The following UBE2M variants were observed in gnomAD, a reference collection of about 807,000 sequenced individuals.
The protein encoded by UBE2M is ubiquitin conjugating enzyme E2 M.
Under a neutral mutation model 23.5 loss-of-function variants are expected in UBE2M, and 2 were observed. That is an observed-to-expected ratio of 0.09 (90% CI 0.03 to 0.27). The LOEUF (loss-of-function observed/expected upper bound fraction) is 0.27. UBE2M is among the 10% of genes least tolerant of loss of function. UBE2M has a pLI of 1.00. For missense variants in UBE2M, 103 were observed against 232.9 expected, an observed-to-expected ratio of 0.44 and a Z score of 3.63; for synonymous variants, 97 against 95.2, an observed-to-expected ratio of 1.02 and a Z score of -0.11.
intron 1 of UBE2M, among the ~76,000 whole-genome samples, chr19:58,557,805 CAT>C (rs2053001735): frequency 6.6e-6 from 1 of 151,906 alleles, no homozygotes; most frequent in African/African-American, 2.4e-5. Context: ...CAGGCAGGCC[CAT>C]GAGTCCCTGG....
intron 1 of UBE2M, 102 bp from the exon 2 acceptor site, chr19:58,557,259 C>G (rs1273508487): frequency 8.3e-7 from 1 of 1,203,060 alleles, no homozygotes; most frequent in Non-Finnish European, 1.2e-6. Context: ...TTAGCAGAGC[C>G]CCCATCGTCT....
Position 58,558,399 on chromosome 19 carries a change from CGCT to C in UBE2M, c.-21_-19del, listed in dbSNP as rs754905811. 66 of 1,291,114 alleles carry C rather than the reference CGCT, an allele frequency of 5.1e-5. No homozygotes were observed. The highest frequency in any genetic ancestry group is 5.3e-5 in the Non-Finnish European group (53 of 997,778). The allele number at this position is 1,291,114 out of a possible 1,614,324, so 80.0% of individuals were successfully genotyped here. Reference sequence around the variant, plus strand: ...TTGATCATCCTGCCGCCGCCGCCGCCGCTGCCGCCGCCGCGGGGCCCGGGACCC... The same window carrying C: ...TTGATCATCCTGCCGCCGCCGCCGCCGCCGCCGCCGCGGGGCCCGGGACCC... On this transcript the variant is annotated 5_prime_UTR_variant, in exon 1 of 6. Transcript: ENST00000253023. The surrounding 1 kb of genome is among the most constrained non-coding windows in gnomAD (Gnocchi z 4.7).
In UBE2M at chr19:58,555,914, A is replaced by T. The variant is rs1264385140; in HGVS notation, c.*175T>A. 3 of 847,112 alleles carry T rather than the reference A, an allele frequency of 3.5e-6. No homozygotes were observed. The highest frequency in any genetic ancestry group is 3.5e-6 in the Non-Finnish European group (2 of 564,296). 52.5% of individuals were successfully genotyped at this position (847,112 alleles called of 1,614,324 possible). A position where few individuals can be genotyped will look rare whatever the true frequency, so the allele number is the denominator to read the frequency against. On this transcript the variant is annotated 3_prime_UTR_variant, in exon 6 of 6. Coordinates refer to ENST00000253023, the MANE Select transcript of UBE2M (RefSeq NM_003969.4). Reference sequence around the variant, plus strand: ...GGGGGAGGCAGCGCCGACCTTAATCACATGGTGTTAAAAAAAAAAAAATAA... The same window carrying T: ...GGGGGAGGCAGCGCCGACCTTAATCTCATGGTGTTAAAAAAAAAAAAATAA...
At position 58,558,384 on chromosome 19, in the gene UBE2M, T is replaced by TGCCGCCGCC. The variant is rs758423838; in HGVS notation, c.-12_-4dup. The TGCCGCCGCC allele has an allele frequency of 6.4e-6, 9 of 1,401,502 alleles. No individual in the cohort carries two copies. Among genetic ancestry groups the TGCCGCCGCC allele is most frequent in the East Asian group, 3.1e-5 (1 of 32,524 alleles). The allele number at this position is 1,401,502 out of a possible 1,614,324, so 86.8% of individuals were successfully genotyped here. ...TTCAGCGAGAACAGCTTGATCATCC[T>TGCCGCCGCC]GCCGCCGCCGCCGCCGCTGCCGCCG... is the stretch of plus-strand genomic sequence containing the variant. On this transcript the variant is annotated 5_prime_UTR_variant, in exon 1 of 6. Transcript: ENST00000253023. The surrounding 1 kb of genome is among the most constrained non-coding windows in gnomAD (Gnocchi z 4.7).
Position 58,558,486 on chromosome 19 carries a change from C to T in UBE2M, c.-105G>A. 6.3e-6 allele frequency: 3 copies of T among 473,954 alleles called. No individual in the cohort carries two copies. Among genetic ancestry groups the T allele is most frequent in the Non-Finnish European group, 8.2e-6 (3 of 363,660 alleles). 29.4% of individuals were successfully genotyped at this position (473,954 alleles called of 1,614,324 possible). A position where few individuals can be genotyped will look rare whatever the true frequency, so the allele number is the denominator to read the frequency against. On this transcript the variant is annotated 5_prime_UTR_variant, in exon 1 of 6. Coordinates refer to ENST00000253023, the MANE Select transcript of UBE2M (RefSeq NM_003969.4). This position sits in a 1 kb window ranked among gnomAD's most constrained non-coding sequence, Gnocchi z 4.7. ...CCTCCGCTCCTCGGACCCGCAGCTG[C>T]GGCCTCCTCCGCTGCTGCCGCCACC...
chr19:58,557,826 C>T (rs977619255), intron 1 of UBE2M, among the ~76,000 whole-genome samples: 4 of 151,944 alleles, frequency 2.6e-5, no homozygotes, highest in African/African-American at 9.7e-5. Context: ...GGTCCTCCAA[C>T]CTACTTCACC....
At chr19:58,557,743 C>G (rs1009429983) in intron 1 of UBE2M, among the ~76,000 whole-genome samples, 4 of 151,158 alleles carry the variant, frequency 2.6e-5, no homozygotes, top group African/African-American at 9.8e-5. Flanking sequence ...CCCTGGTACT[C>G]ATTAACCTTC....
chr19:58,557,220 G>T, intron 1 of UBE2M, 63 bp from the exon 2 acceptor site: 1 of 1,390,702 alleles, frequency 7.2e-7, no homozygotes, highest in Non-Finnish European at 1.0e-6. Flanking sequence ...GAGAGAGGGA[G>T]CCAGCAGGAC....
Position 58,556,070 on chromosome 19 carries a change from G to T in UBE2M, c.*19C>A. 6.3e-7 allele frequency: 1 copy of T among 1,591,966 alleles called. No homozygotes were observed. The highest frequency in any genetic ancestry group is 1.1e-5 in the South Asian group (1 of 90,672). On this transcript the variant is annotated 3_prime_UTR_variant, in exon 6 of 6. Transcript: ENST00000253023. The surrounding 1 kb of genome is among the most constrained non-coding windows in gnomAD (Gnocchi z 4.9). ...ATGCCAGGGCTTGTGGCCGTGGCGG[G>T]GGTGGGTATGCGCCAACCCTATTTC...
rs1568670405 is a variant in UBE2M at position 58,556,950 on chromosome 19, A to G, written c.205-20T>C. 6.2e-7 allele frequency: 1 copy of G among 1,613,970 alleles called. No homozygotes were observed. Among genetic ancestry groups the G allele is most frequent in the Non-Finnish European group, 8.5e-7 (1 of 1,179,960 alleles). ...GAAGCCCTGGGAGGAAAAGGGGGAG[A>G]AGAAAATTTTAGGGTTCCATCCTGT... is the stretch of plus-strand genomic sequence containing the variant. On this transcript the variant is annotated intron_variant, in intron 2 of 5. Transcript: ENST00000253023. This position sits in a 1 kb window ranked among gnomAD's most constrained non-coding sequence, Gnocchi z 4.9.
rs988676437 is a variant in UBE2M, at chr19:58,556,864, G to A, written c.243+28C>T. 10 of 1,613,946 alleles carry A rather than the reference G, an allele frequency of 6.2e-6. No homozygotes were observed. In the African/African-American group the frequency reaches 1.1e-4, roughly 17 times the overall value. On this transcript the variant is annotated intron_variant, in intron 3 of 5. Transcript: ENST00000253023. This position sits in a 1 kb window ranked among gnomAD's most constrained non-coding sequence, Gnocchi z 4.9. Reference sequence around the variant, plus strand: ...TCAGCTGCTGCCTCCTCTGTCCAGGGAGCCATCCCTGCCCGCCTGGGACTC... The same window carrying A: ...TCAGCTGCTGCCTCCTCTGTCCAGGAAGCCATCCCTGCCCGCCTGGGACTC...
chr19:58,557,299 G>T, intron 1 of UBE2M, 142 bp from the exon 2 acceptor site: 1 of 798,890 alleles, frequency 1.3e-6, no homozygotes, highest in Non-Finnish European at 2.1e-6. Flanking sequence ...CCTCTCCTGG[G>T]CTGTGCTCCA....
Position 58,558,276 on chromosome 19 carries a change from T to C in UBE2M, c.106A>G (p.Lys36Glu). ...KASAAQLRIQ[K>E]DINELNLPKT... ...ACCCCATCCCCTGACCCCCTACCCTTCTGGATCCGCAGCTGCGCCGCCGAC... is the reference window on the plus strand; with the variant it reads ...ACCCCATCCCCTGACCCCCTACCCTCCTGGATCCGCAGCTGCGCCGCCGAC... The change falls in exon 1 of 6, where the codon AAG (lysine) becomes GAG (glutamate). Residue 36 changes from lysine (K) to glutamate (E), a missense_variant. Coordinates refer to ENST00000253023, the MANE Select transcript of UBE2M (RefSeq NM_003969.4). The surrounding 1 kb of genome is among the most constrained non-coding windows in gnomAD (Gnocchi z 4.7). 1 of 1,597,340 alleles carries C rather than the reference T, an allele frequency of 6.3e-7. No homozygotes were observed. The highest frequency in any genetic ancestry group is 1.7e-5 in the Admixed American group (1 of 58,662).
chr19:58,558,225 G>A lies in UBE2M; in HGVS notation c.109+48C>T, dbSNP rs2053905520. Reference sequence around the variant, plus strand: ...TGACTCCCACATCACCCTGCCTCAGGCCCTGACCTCCGACCTCCGGCTCCA... The same window carrying A: ...TGACTCCCACATCACCCTGCCTCAGACCCTGACCTCCGACCTCCGGCTCCA... On this transcript the variant is annotated intron_variant, in intron 1 of 5. Transcript: ENST00000253023. The surrounding 1 kb of genome is among the most constrained non-coding windows in gnomAD (Gnocchi z 4.7). 1 of 1,525,720 alleles carries A rather than the reference G, an allele frequency of 6.6e-7. No homozygotes were observed. The highest frequency in any genetic ancestry group is 1.4e-5 in the African/African-American group (1 of 71,496). The allele number at this position is 1,525,720 out of a possible 1,614,324, so 94.5% of individuals were successfully genotyped here.
Position 58,558,082 on chromosome 19 carries a change from C to T in UBE2M, c.109+191G>A, listed in dbSNP as rs2053904449. Among the ~76,000 whole-genome samples, 1 of 151,896 alleles carries T rather than the reference C, an allele frequency of 6.6e-6. No individual in the cohort carries two copies. The highest frequency in any genetic ancestry group is 2.4e-5 in the African/African-American group (1 of 41,318). ...ATCCTAAACCACCACATACCGGGCC[C>T]CTATCTCTGACCCCCTCCCCGTGAC... On this transcript the variant is annotated intron_variant, in intron 1 of 5. Coordinates refer to ENST00000253023, the MANE Select transcript of UBE2M (RefSeq NM_003969.4). This position sits in a 1 kb window ranked among gnomAD's most constrained non-coding sequence, Gnocchi z 4.7.
Position 58,558,418 on chromosome 19 carries a change from C to A in UBE2M, c.-37G>T. The A allele has an allele frequency of 2.8e-6, 3 of 1,070,230 alleles. No individual in the cohort carries two copies. Among genetic ancestry groups the A allele is most frequent in the Non-Finnish European group, 2.3e-6 (2 of 875,590 alleles). 66.3% of individuals were successfully genotyped at this position (1,070,230 alleles called of 1,614,324 possible). A position where few individuals can be genotyped will look rare whatever the true frequency, so the allele number is the denominator to read the frequency against. On this transcript the variant is annotated 5_prime_UTR_variant, in exon 1 of 6. Transcript: ENST00000253023. The surrounding 1 kb of genome is among the most constrained non-coding windows in gnomAD (Gnocchi z 4.7). Reference sequence around the variant, plus strand: ...CGCCGCCGCTGCCGCCGCCGCGGGGCCCGGGACCCCGGCCACCCGGCCCCC... The same window carrying A: ...CGCCGCCGCTGCCGCCGCCGCGGGGACCGGGACCCCGGCCACCCGGCCCCC...
rs2053909292 is a variant in UBE2M at position 58,558,610 on chromosome 19, T to A, written c.-229A>T. On this transcript the variant is annotated 5_prime_UTR_variant, in exon 1 of 6. Transcript: ENST00000253023. The surrounding 1 kb of genome is among the most constrained non-coding windows in gnomAD (Gnocchi z 4.7). Reference sequence around the variant, plus strand: ...TCCGGCCTGGCCCAGCGCCTCGGACTCGCTCGGCAGCGCTCGGCCAAATTC... The same window carrying A: ...TCCGGCCTGGCCCAGCGCCTCGGACACGCTCGGCAGCGCTCGGCCAAATTC... The A allele has an allele frequency of 6.5e-6, 1 of 153,862 alleles. No individual in the cohort carries two copies. The highest frequency in any genetic ancestry group is 1.9e-4 in the South Asian group (1 of 5,224). 9.5% of individuals were successfully genotyped at this position (153,862 alleles called of 1,614,324 possible).
rs773806470 is a variant in UBE2M at position 58,556,253 on chromosome 19, G to A, written c.412-24C>T. ...TCCTGTGGCCAGTACAGGTAGGGGGGGTCAACAGGCCAGAGGGACAGAAGG... is the reference window on the plus strand; with the variant it reads ...TCCTGTGGCCAGTACAGGTAGGGGGAGTCAACAGGCCAGAGGGACAGAAGG... On this transcript the variant is annotated intron_variant, in intron 5 of 5. Coordinates refer to ENST00000253023, the MANE Select transcript of UBE2M (RefSeq NM_003969.4). This position sits in a 1 kb window ranked among gnomAD's most constrained non-coding sequence, Gnocchi z 4.9. 1.7e-5 allele frequency: 27 copies of A among 1,613,754 alleles called. No individual in the cohort carries two copies. The African/African-American group carries it at 3.6e-4, about 22-fold the overall frequency.
chr19:58,556,248 G>C lies in UBE2M; in HGVS notation c.412-19C>G. The C allele has an allele frequency of 1.2e-6, 2 of 1,613,300 alleles. No homozygotes were observed. The highest frequency in any genetic ancestry group is 1.3e-5 in the African/African-American group (1 of 74,692). On this transcript the variant is annotated intron_variant, in intron 5 of 5. Coordinates refer to ENST00000253023, the MANE Select transcript of UBE2M (RefSeq NM_003969.4). The surrounding 1 kb of genome is among the most constrained non-coding windows in gnomAD (Gnocchi z 4.9). ...TGGGCTCCTGTGGCCAGTACAGGTA[G>C]GGGGGGTCAACAGGCCAGAGGGACA...
Sources: allele counts gnomAD v4.1 joint callset (sites outside exome capture counted in the v4.1 genomes callset), GRCh38; gene constraint gnomAD v4.1.1; non-coding constraint Gnocchi (gnomAD v3.1); transcripts MANE v1.5; gene names NCBI Gene and HGNC (gene_info 2026-07-23, HGNC 2026-07-21).